Variants in ZC3H12B observed in about 807,000 individuals in gnomAD.
ZC3H12B encodes the protein zinc finger CCCH-type containing 12B, also known as probable ribonuclease ZC3H12B.
In ZC3H12B, 7 loss-of-function variants were observed where a neutral mutation model predicts 43.9. That is an observed-to-expected ratio of 0.16 (90% CI 0.09 to 0.30). The LOEUF is 0.30. Ranked by LOEUF, ZC3H12B falls within the 10% of genes least tolerant of loss-of-function variation. ZC3H12B has a pLI of 1.00. For missense variants in ZC3H12B, 475 were observed against 670.2 expected, an observed-to-expected ratio of 0.71 and a Z score of 3.22; for synonymous variants, 222 against 241.7, an observed-to-expected ratio of 0.92 and a Z score of 0.76.
chrX:65,302,460 G>C, the ZC3H12B span, among the ~76,000 whole-genome samples: 3 of 110,912 alleles, frequency 2.7e-5, no homozygotes, highest in Non-Finnish European at 5.7e-5. Flanking sequence ...AAACAAAATA[G>C]GTACATGATA....
At chrX:65,313,576 G>A in the ZC3H12B span, among the ~76,000 whole-genome samples, 1 of 112,198 alleles carries the variant, frequency 8.9e-6, no homozygotes, top group Admixed American at 9.5e-5. Flanking sequence ...CAAAGGGCAG[G>A]CCCAAACAGC....
At chrX:65,471,635 G>A (rs762019302) in intron 3 of ZC3H12B, among the ~76,000 whole-genome samples, 1 of 108,607 alleles carries the variant, frequency 9.2e-6, no homozygotes, top group Non-Finnish European at 1.9e-5. Flanking sequence ...ATTTTTAGTA[G>A]AGACGGGGTT....
chrX:65,190,205 G>A, the ZC3H12B span, among the ~76,000 whole-genome samples: 2 of 110,407 alleles, frequency 1.8e-5, no homozygotes, highest in Non-Finnish European at 3.8e-5. Flanking sequence ...CTGTAGCCTT[G>A]TAGTATAGTT....
the ZC3H12B span, among the ~76,000 whole-genome samples, chrX:65,115,530 C>A: frequency 9.0e-6 from 1 of 111,195 alleles, no homozygotes; most frequent in African/African-American, 3.3e-5. Flanking sequence ...GTGCAAGTAT[C>A]TTTTTCGTAT....
At chrX:65,255,915 C>A in the ZC3H12B span, among the ~76,000 whole-genome samples, 1 of 111,900 alleles carries the variant, frequency 8.9e-6, no homozygotes, top group Non-Finnish European at 1.9e-5. Flanking sequence ...TGACTTTAAA[C>A]CAACAATAAT....
At chrX:65,342,333 C>T in the ZC3H12B span, among the ~76,000 whole-genome samples, 13 of 111,448 alleles carry the variant, frequency 1.2e-4, no homozygotes, top group Admixed American at 1.1e-3. Flanking sequence ...AACTCTTCAC[C>T]CCAAAACAAC....
the ZC3H12B span, among the ~76,000 whole-genome samples, chrX:65,254,354 G>T: frequency 2.7e-5 from 3 of 112,341 alleles, no homozygotes; most frequent in Non-Finnish European, 5.6e-5. Flanking sequence ...TTCCATCACA[G>T]CAGGTTTCTA....
chrX:65,435,545 A>G (rs891016846), intron 3 of ZC3H12B, among the ~76,000 whole-genome samples: 3 of 111,032 alleles, frequency 2.7e-5, no homozygotes, highest in African/African-American at 9.8e-5. Context: ...ATCTTCCAAA[A>G]CCAATTTACA....
chrX:65,171,223 G>A, the ZC3H12B span, among the ~76,000 whole-genome samples: 1 of 111,477 alleles, frequency 9.0e-6, no homozygotes. Flanking sequence ...GGGTTTCGGT[G>A]TGGATGTCCT....
chrX:65,105,013 A>G, the ZC3H12B span, among the ~76,000 whole-genome samples: 10 of 112,009 alleles, frequency 8.9e-5, no homozygotes, highest in Non-Finnish European at 1.9e-4. Context: ...CCAAATGCCC[A>G]TCAATGATAG....
the ZC3H12B span, among the ~76,000 whole-genome samples, chrX:65,180,576 C>T: frequency 1.6e-4 from 18 of 111,613 alleles, no homozygotes; most frequent in Middle Eastern, 4.6e-3. Flanking sequence ...TCTCAGGATA[C>T]AGAATCAATG....
intron 2 of ZC3H12B, among the ~76,000 whole-genome samples, chrX:65,394,192 C>G (rs1193537868): frequency 1.8e-5 from 2 of 111,460 alleles, no homozygotes; most frequent in Admixed American, 1.9e-4. Flanking sequence ...TGGGCAGAAG[C>G]TCTTTAATTT....
At chrX:65,118,417 C>T in the ZC3H12B span, among the ~76,000 whole-genome samples, 2 of 111,551 alleles carry the variant, frequency 1.8e-5, no homozygotes, top group Non-Finnish European at 3.8e-5. Flanking sequence ...GATTTTGTAT[C>T]CTGAGACTTT....
At chrX:65,344,033 A>G in the ZC3H12B span, among the ~76,000 whole-genome samples, 3 of 112,306 alleles carry the variant, frequency 2.7e-5, no homozygotes, top group East Asian at 2.8e-4. Flanking sequence ...TTATACACCA[A>G]TGACGGTCAA....
At chrX:65,393,496 G>A (rs893474603) in intron 2 of ZC3H12B, among the ~76,000 whole-genome samples, 2 of 110,636 alleles carry the variant, frequency 1.8e-5, no homozygotes, top group African/African-American at 6.6e-5. Flanking sequence ...TCCCCTCCCT[G>A]TGTCCATGTG....
At chrX:65,127,222 C>T in the ZC3H12B span, among the ~76,000 whole-genome samples, 2 of 111,857 alleles carry the variant, frequency 1.8e-5, no homozygotes, top group Non-Finnish European at 3.8e-5. Context: ...CCCCCTTCCC[C>T]TAGGAAAGGG....
the ZC3H12B span, among the ~76,000 whole-genome samples, chrX:65,201,209 AC>A: frequency 9.0e-6 from 1 of 111,500 alleles, no homozygotes; most frequent in Non-Finnish European, 1.9e-5. Context: ...GCTATTTACT[AC>A]CACCTCAATT....
the ZC3H12B span, among the ~76,000 whole-genome samples, chrX:65,119,969 T>C: frequency 9.0e-6 from 1 of 111,709 alleles, no homozygotes; most frequent in East Asian, 2.8e-4. Flanking sequence ...ATAAGTGGCA[T>C]TATTTCTGAG....
At chrX:65,254,077 G>A in the ZC3H12B span, among the ~76,000 whole-genome samples, 1 of 111,981 alleles carries the variant, frequency 8.9e-6, no homozygotes, top group Admixed American at 9.4e-5. Context: ...ACCGTGCACT[G>A]CCATTGCTGC....
Sources: gnomAD v4.1 joint callset for allele counts (sites outside exome capture counted in the v4.1 genomes callset) on GRCh38, gnomAD v4.1.1 for gene constraint, MANE v1.5 for transcripts, NCBI Gene and HGNC (gene_info 2026-07-23, HGNC 2026-07-21) for gene names.